TMEM217: variants seen among roughly 807,000 people sequenced by gnomAD.
The protein encoded by TMEM217 is chromosome 6 open reading frame 128.
For synonymous variants in TMEM217, 76 were observed against 88.3 expected, an observed-to-expected ratio of 0.86 and a Z score of 0.78; for missense variants, 204 against 248.8, an observed-to-expected ratio of 0.82 and a Z score of 1.21.
downstream of TMEM217, among the ~76,000 whole-genome samples, chr6:37,216,796 A>G (rs181976294): frequency 3.9e-5 from 6 of 152,292 alleles, no homozygotes; most frequent in African/African-American, 1.4e-4. Flanking sequence ...CATGAATGGA[A>G]TAAGTGACCT....
At chr6:37,238,246 T>C (rs1247444509) in intron 1 of TMEM217, among the ~76,000 whole-genome samples, 1 of 151,956 alleles carries the variant, frequency 6.6e-6, no homozygotes, top group Non-Finnish European at 1.5e-5. Flanking sequence ...ATTTAAAACA[T>C]TCAGAACAGT....
intron 1 of TMEM217, among the ~76,000 whole-genome samples, chr6:37,229,871 T>C (rs908435303): frequency 6.6e-6 from 1 of 152,180 alleles, no homozygotes; most frequent in African/African-American, 2.4e-5. Flanking sequence ...CAGTTCCAGT[T>C]GCCTCAATAC....
At chr6:37,218,311 G>T in exon 2 of TMEM217, 1 of 1,165,928 alleles carries the variant, frequency 8.6e-7, no homozygotes. Context: ...TGGGATTACA[G>T]GTGTGTGCCG....
chr6:37,251,321 T>C (rs1199158448), intron 1 of TMEM217, among the ~76,000 whole-genome samples: 2 of 152,258 alleles, frequency 1.3e-5, no homozygotes, highest in Non-Finnish European at 2.9e-5. Flanking sequence ...CTATGATATT[T>C]TGTTATAGCA....
At position 37,219,250 on chromosome 6, in the gene TMEM217, C is replaced by T. The variant is rs542935972; in HGVS notation, c.-11-209G>A. ...GATTCAGTCAAGTTGGTGGCAATGA[C>T]CAGATAAAATTACAGTAGTGGTTCT... On this transcript the variant is annotated intron_variant, in intron 1 of 1. Transcript: ENST00000357219. Among the ~76,000 whole-genome samples, 99 of 152,216 alleles carry T rather than the reference C, an allele frequency of 6.5e-4. 2 individuals are homozygous for T. Among genetic ancestry groups the T allele is most frequent in the Non-Finnish European group, 1.9e-4 (13 of 68,010 alleles).
At chr6:37,240,493 T>C (rs1460804444) in intron 1 of TMEM217, among the ~76,000 whole-genome samples, 1 of 149,756 alleles carries the variant, frequency 6.7e-6, no homozygotes, top group African/African-American at 2.4e-5. Flanking sequence ...GAGTAAGTGA[T>C]GAGAGAGAGA....
intron 1 of TMEM217, among the ~76,000 whole-genome samples, chr6:37,222,161 T>A (rs960168028): frequency 2.0e-5 from 3 of 152,200 alleles, no homozygotes; most frequent in Non-Finnish European, 4.4e-5. Flanking sequence ...GATTGGTACA[T>A]CGGGGGCCAT....
intron 1 of TMEM217, among the ~76,000 whole-genome samples, chr6:37,225,376 A>G (rs1484789319): frequency 1.3e-5 from 2 of 152,166 alleles, no homozygotes; most frequent in African/African-American, 4.8e-5. Flanking sequence ...CATAGTTTAA[A>G]AAAAACAAGC....
At chr6:37,241,099 CTTT>C (rs74398542) in intron 1 of TMEM217, among the ~76,000 whole-genome samples, 19 of 132,836 alleles carry the variant, frequency 1.4e-4, no homozygotes, top group Admixed American at 1.5e-4. Context: ...AAGTATTACT[CTTT>C]TTTTTTTTTT....
chr6:37,248,285 T>C (rs1010909346), intron 1 of TMEM217, among the ~76,000 whole-genome samples: 13 of 152,244 alleles, frequency 8.5e-5, no homozygotes, highest in Middle Eastern at 3.2e-3. Flanking sequence ...TAATATAGTT[T>C]AGTGCCAGGA....
At chr6:37,240,411 C>T (rs1764707926) in intron 1 of TMEM217, among the ~76,000 whole-genome samples, 1 of 152,212 alleles carries the variant, frequency 6.6e-6, no homozygotes, top group Admixed American at 6.5e-5. Flanking sequence ...CCAGAGAACT[C>T]AGTTCCTCAC....
In TMEM217 at chr6:37,221,764, C is replaced by T. The variant is rs753308874; in HGVS notation, c.-11-2723G>A. ...CTGTGTCCAAGATGAATGAGGTACA[C>T]AGACAAGTGAAGGGTAAACAAGATG... On this transcript the variant is annotated intron_variant, in intron 1 of 1. Coordinates refer to ENST00000357219, the Ensembl canonical transcript of TMEM217. 2.8e-4 allele frequency among the ~76,000 whole-genome samples: 43 copies of T among 152,276 alleles called. 1 individual carries two copies. The highest frequency in any genetic ancestry group is 6.2e-4 in the South Asian group (3 of 4,832).
intron 1 of TMEM217, among the ~76,000 whole-genome samples, chr6:37,224,012 C>A (rs1763675845): frequency 6.6e-6 from 1 of 151,290 alleles, no homozygotes; most frequent in South Asian, 2.1e-4. Flanking sequence ...TCTCAGCTCA[C>A]TGCAACCTCC....
At chr6:37,213,023 G>T (rs1395122090), downstream of TMEM217, 1 of 1,455,680 alleles carries the variant, frequency 6.9e-7, no homozygotes, top group Non-Finnish European at 9.3e-7. Context: ...ATACAGACAC[G>T]TGACAAGATG....
intron 1 of TMEM217, among the ~76,000 whole-genome samples, chr6:37,232,760 C>T (rs574719896): frequency 5.9e-5 from 9 of 152,340 alleles, no homozygotes; most frequent in Admixed American, 4.6e-4. Flanking sequence ...CTGCCCTCCG[C>T]GGAATCTTCC....
At chr6:37,217,501 G>T, downstream of TMEM217, 1 of 402,418 alleles carries the variant, frequency 2.5e-6, no homozygotes, top group Non-Finnish European at 3.4e-6. Context: ...ACAATGTTCA[G>T]TACAGTGTTC....
intron 1 of TMEM217, among the ~76,000 whole-genome samples, chr6:37,238,076 G>A (rs1014006671): frequency 2.0e-5 from 3 of 151,674 alleles, no homozygotes; most frequent in South Asian, 4.2e-4. Flanking sequence ...GTAAACAAAA[G>A]AGAGCCATGC....
chr6:37,236,414 G>A (rs1192084913), intron 1 of TMEM217, among the ~76,000 whole-genome samples: 1 of 152,054 alleles, frequency 6.6e-6, no homozygotes, highest in Non-Finnish European at 1.5e-5. Flanking sequence ...TATTTTTTTG[G>A]TGGTAGCATT....
chr6:37,222,812 T>G (rs11962008), intron 1 of TMEM217, among the ~76,000 whole-genome samples: 1,690 of 152,226 alleles, frequency 0.011, 33 homozygotes, highest in African/African-American at 0.036. Flanking sequence ...CCGACTTAAC[T>G]CAGAAGGGGC....
Sources: gnomAD v4.1 joint callset for allele counts (sites outside exome capture counted in the v4.1 genomes callset) on GRCh38, gnomAD v4.1.1 for gene constraint, MANE v1.5 for transcripts, NCBI Gene and HGNC (gene_info 2026-07-23, HGNC 2026-07-21) for gene names.